CCSER1: variants seen among roughly 807,000 people sequenced by gnomAD.
CCSER1 encodes serine-rich coiled-coil domain-containing protein 1.
CCSER1 carries 41 observed loss-of-function variants against 82.0 expected under a neutral mutation model. The observed-to-expected ratio is 0.50, with a 90% CI of 0.39 to 0.65. The LOEUF is 0.65. CCSER1 is among the 30% of genes least tolerant of loss of function. The pLI is 0.00. For missense variants in CCSER1, 1,119 were observed against 1,064.2 expected (o/e 1.05, Z -0.72); for synonymous variants, 414 against 383.9 (o/e 1.08, Z -0.92).
chr4:90,497,580 G>T (rs544063680), intron 5 of CCSER1, among the ~76,000 whole-genome samples: 74 of 152,144 alleles, frequency 4.9e-4, no homozygotes, highest in African/African-American at 1.6e-3. Flanking sequence ...TTTTAACCTT[G>T]CCAGATTCCA....
At chr4:90,541,764 T>C (rs933899674) in intron 5 of CCSER1, among the ~76,000 whole-genome samples, 3 of 152,056 alleles carry the variant, frequency 2.0e-5, no homozygotes, top group Non-Finnish European at 2.9e-5. Context: ...GATGTTATGT[T>C]TGAAAATAGT....
At chr4:91,032,830 A>G (rs1741101515) in intron 9 of CCSER1, among the ~76,000 whole-genome samples, 1 of 152,194 alleles carries the variant, frequency 6.6e-6, no homozygotes, top group African/African-American at 2.4e-5. Flanking sequence ...TAAGTCTTGA[A>G]TGGGGCCTGA....
At chr4:90,536,891 C>A (rs929257285) in intron 5 of CCSER1, among the ~76,000 whole-genome samples, 1 of 151,998 alleles carries the variant, frequency 6.6e-6, no homozygotes, top group Non-Finnish European at 1.5e-5. Context: ...TTCCAAAGTC[C>A]CTAGGTGTTG....
intron 5 of CCSER1, among the ~76,000 whole-genome samples, chr4:90,574,625 G>A (rs993193900): frequency 2.0e-5 from 3 of 151,802 alleles, no homozygotes; most frequent in East Asian, 3.9e-4. Flanking sequence ...TGTGAGGACC[G>A]GAATAACATC....
chr4:90,690,324 T>C (rs1456649067), intron 6 of CCSER1, among the ~76,000 whole-genome samples: 1 of 152,082 alleles, frequency 6.6e-6, no homozygotes, highest in Non-Finnish European at 1.5e-5. Flanking sequence ...AATGCTAATC[T>C]GCTTGCTACC....
rs141321392 is a variant in CCSER1 at position 90,404,742 on chromosome 4, G to A, written c.1603+4613G>A. 5.9e-3 allele frequency among the ~76,000 whole-genome samples: 894 copies of A among 152,262 alleles called. 10 individuals carry two copies. Among genetic ancestry groups the A allele is most frequent in the African/African-American group, 0.021 (859 of 41,566 alleles). On this transcript the variant is annotated intron_variant, in intron 4 of 10. Coordinates refer to ENST00000509176, the MANE Select transcript of CCSER1 (RefSeq NM_001145065.2). ...CAGAGCCCAGTAGCTCTGCTGGTTG[G>A]CTAGACCTGGATGGGCAAAAACAAT...
intron 1 of CCSER1, among the ~76,000 whole-genome samples, chr4:90,276,246 C>CTTTCTTTG (rs1727641297): frequency 8.9e-6 from 1 of 112,308 alleles, no homozygotes; most frequent in Admixed American, 9.6e-5. Context: ...TTCTTTCTTT[C>CTTTCTTTG]TTTCTTTCCT....
At chr4:91,111,391 A>T (rs1279575384) in intron 10 of CCSER1, among the ~76,000 whole-genome samples, 1 of 152,022 alleles carries the variant, frequency 6.6e-6, no homozygotes, top group Non-Finnish European at 1.5e-5. Context: ...ACATTGTTAA[A>T]TGGTATTTAA....
chr4:90,933,405 T>C (rs1313810793), intron 9 of CCSER1, among the ~76,000 whole-genome samples: 1 of 151,756 alleles, frequency 6.6e-6, no homozygotes, highest in Non-Finnish European at 1.5e-5. Context: ...GCCAGGATGG[T>C]CTCAATCTCC....
chr4:90,181,625 G>C (rs184852770), intron 1 of CCSER1, among the ~76,000 whole-genome samples: 1 of 152,192 alleles, frequency 6.6e-6, no homozygotes. Context: ...ATTTTCCATG[G>C]TTCCAAGAGG....
intron 7 of CCSER1, among the ~76,000 whole-genome samples, chr4:90,791,592 T>G (rs1213182247): frequency 2.0e-5 from 3 of 151,976 alleles, no homozygotes; most frequent in African/African-American, 7.3e-5. Context: ...GGCTCATACC[T>G]GTAATCCCAG....
At chr4:90,303,975 T>G (rs925511084) in intron 1 of CCSER1, among the ~76,000 whole-genome samples, 1 of 151,870 alleles carries the variant, frequency 6.6e-6, no homozygotes, top group Non-Finnish European at 1.5e-5. Context: ...AACAACCCCA[T>G]CAAAAAGTGG....
At chr4:91,033,404 C>T (rs1741154718) in intron 9 of CCSER1, among the ~76,000 whole-genome samples, 1 of 152,100 alleles carries the variant, frequency 6.6e-6, no homozygotes. Flanking sequence ...AAATATCCCA[C>T]TTCTCTCTTC....
At chr4:91,296,483 A>ATATATATATATATATATATATTATTTATT (rs1175690764) in intron 10 of CCSER1, among the ~76,000 whole-genome samples, 1 of 124,068 alleles carries the variant, frequency 8.1e-6, no homozygotes, top group African/African-American at 3.4e-5. Flanking sequence ...ATATATATAT[A>ATATATATATATATATATATATTATTTATT]TATTTTAATT....
intron 10 of CCSER1, among the ~76,000 whole-genome samples, chr4:91,412,913 T>C: frequency 6.7e-6 from 1 of 150,174 alleles, no homozygotes; most frequent in East Asian, 2.0e-4. Flanking sequence ...TAATTCAAAA[T>C]AATGATTGTA....
chr4:91,392,288 C>T (rs1751699654), intron 10 of CCSER1, among the ~76,000 whole-genome samples: 1 of 151,536 alleles, frequency 6.6e-6, no homozygotes, highest in African/African-American at 2.4e-5. Flanking sequence ...AAAAAAGTAG[C>T]AGCCAAATAA....
chr4:90,722,249 G>A (rs1389229068), intron 6 of CCSER1, among the ~76,000 whole-genome samples: 2 of 151,778 alleles, frequency 1.3e-5, no homozygotes, highest in African/African-American at 4.8e-5. Context: ...AATAAGCTAT[G>A]CAGGCTGTCC....
chr4:90,832,627 C>A (rs1397236917), intron 8 of CCSER1, among the ~76,000 whole-genome samples: 1 of 151,980 alleles, frequency 6.6e-6, no homozygotes, highest in Admixed American at 6.6e-5. Flanking sequence ...ATCATTATTT[C>A]TTTTGTCAGT....
At chr4:90,645,525 T>A (rs186101416) in intron 6 of CCSER1, among the ~76,000 whole-genome samples, 253 of 152,338 alleles carry the variant, frequency 1.7e-3, no homozygotes, top group African/African-American at 6.0e-3. Flanking sequence ...CTTAAAACAT[T>A]ATTTTAATTG....
Sources: gnomAD v4.1 joint callset for allele counts (sites outside exome capture counted in the v4.1 genomes callset) on GRCh38, gnomAD v4.1.1 for gene constraint, MANE v1.5 for transcripts, NCBI Gene and HGNC (gene_info 2026-07-23, HGNC 2026-07-21) for gene names.